The following DNAH9 variants were observed in gnomAD, a reference collection of about 807,000 sequenced individuals.
DNAH9 encodes dynein axonemal heavy chain 9.
A neutral mutation model predicts 471.6 loss-of-function variants in DNAH9; 345 were observed. The observed-to-expected ratio is 0.73, with a 90% CI of 0.67 to 0.80. DNAH9 has a LOEUF of 0.80. DNAH9 is among the 30% of genes least tolerant of loss of function. The pLI, the probability that DNAH9 is intolerant of heterozygous loss-of-function variation, is 0.00. For missense variants in DNAH9, 5,407 were observed against 5,609.2 expected (o/e 0.96, Z 1.15); for synonymous variants, 2,093 against 2,123.6 (o/e 0.99, Z 0.40).
intron 25 of DNAH9, 79 bp from the exon 26 acceptor site, chr17:11,704,946 C>T: frequency 8.3e-7 from 1 of 1,203,850 alleles, no homozygotes; most frequent in African/African-American, 1.5e-5. Flanking sequence ...GCCAAGGCAT[C>T]AGACCCCTAT....
intron 29 of DNAH9, 67 bp downstream of exon 29, chr17:11,739,104 A>C (rs2075395995): frequency 1.4e-6 from 2 of 1,435,894 alleles, no homozygotes; most frequent in African/African-American, 1.4e-5. Flanking sequence ...TCCACTTAAA[A>C]TGTGTGACAT....
At chr17:11,739,143 GA>G in intron 29 of DNAH9, 106 bp downstream of exon 29, 2 of 1,174,232 alleles carry the variant, frequency 1.7e-6, no homozygotes, top group Non-Finnish European at 2.4e-6. Context: ...GGAACATTTG[GA>G]AAAGTAGATT....
At chr17:11,745,701 C>T in intron 31 of DNAH9, among the ~76,000 whole-genome samples, 1 of 152,112 alleles carries the variant, frequency 6.6e-6, no homozygotes, top group Non-Finnish European at 1.5e-5. Flanking sequence ...ATCCATCAAA[C>T]AAGAATTAGA....
At chr17:11,811,537 T>C (rs965747029) in intron 45 of DNAH9, among the ~76,000 whole-genome samples, 2 of 152,110 alleles carry the variant, frequency 1.3e-5, no homozygotes, top group East Asian at 3.9e-4. Context: ...TAGTGGAACC[T>C]GGTGGTCACA....
chr17:11,643,064 A>C (rs2150688891), intron 10 of DNAH9, among the ~76,000 whole-genome samples: 1 of 152,380 alleles, frequency 6.6e-6, no homozygotes. Flanking sequence ...CAGGTCAAAT[A>C]GAAACAAACC....
At chr17:11,709,764 C>T (rs920374232) in intron 26 of DNAH9, among the ~76,000 whole-genome samples, 2 of 152,184 alleles carry the variant, frequency 1.3e-5, no homozygotes, top group East Asian at 1.9e-4. Flanking sequence ...TGGATGATCT[C>T]CTCCTGCTTT....
chr17:11,616,910 G>T (rs1379023696), intron 4 of DNAH9, among the ~76,000 whole-genome samples: 1 of 152,088 alleles, frequency 6.6e-6, no homozygotes, highest in African/African-American at 2.4e-5. Flanking sequence ...CACCTGCATT[G>T]GTCCAAGCAC....
intron 38 of DNAH9, among the ~76,000 whole-genome samples, chr17:11,778,743 G>A (rs1002023936): frequency 1.4e-4 from 21 of 151,962 alleles, no homozygotes; most frequent in Admixed American, 2.0e-4. Flanking sequence ...ACAGTGGCTC[G>A]TGCCTGTAAT....
Position 11,598,504 on chromosome 17 carries a change from G to A in DNAH9, c.6G>A (p.Arg2=), listed in dbSNP as rs943922044. 2 of 1,376,214 alleles carry A rather than the reference G, an allele frequency of 1.5e-6. No individual in the cohort carries two copies. Among genetic ancestry groups the A allele is most frequent in the Non-Finnish European group, 1.9e-6 (2 of 1,075,582 alleles). The allele number at this position is 1,376,214 out of a possible 1,614,324, so 85.3% of individuals were successfully genotyped here. M[R]LAEERAALAA... ...GCAGCTGGAGGCCGCGCGCGATGCG[G>A]CTCGCGGAGGAGCGGGCCGCGCTCG... The change falls in exon 1 of 69, where the codon CGG becomes CGA. Residue 2 remains arginine, a synonymous_variant. Transcript: ENST00000262442.
In DNAH9 at chr17:11,905,519, T is replaced by G. The variant is rs1258356566; in HGVS notation, c.11601-142T>G. The G allele has an allele frequency of 5.9e-6, 5 of 840,990 alleles. No homozygotes were observed. In the East Asian group the frequency reaches 1.3e-4, roughly 22 times the overall value. The allele number at this position is 840,990 out of a possible 1,614,324, so 52.1% of individuals were successfully genotyped here. ...TGTGTTGACTTAATAAGCAGTGGAC[T>G]TGGAGCCAGTCCTAGCTCTATAACT... On this transcript the variant is annotated intron_variant, in intron 60 of 68. Coordinates refer to ENST00000262442, the MANE Select transcript of DNAH9 (RefSeq NM_001372.4).
chr17:11,900,100 GA>G (rs10627147), intron 59 of DNAH9, among the ~76,000 whole-genome samples: 2 of 148,602 alleles, frequency 1.3e-5, no homozygotes, highest in Non-Finnish European at 3.0e-5. Context: ...TTTTCCAAAT[GA>G]AAAAAAAAAC....
At chr17:11,615,080 G>T (rs901202395) in intron 4 of DNAH9, among the ~76,000 whole-genome samples, 2 of 152,120 alleles carry the variant, frequency 1.3e-5, no homozygotes, top group African/African-American at 4.8e-5. Flanking sequence ...TTTAAACCTT[G>T]CACCCCCATT....
intron 27 of DNAH9, among the ~76,000 whole-genome samples, chr17:11,722,266 G>A (rs1332407918): frequency 6.6e-6 from 1 of 151,556 alleles, no homozygotes; most frequent in Non-Finnish European, 1.5e-5. Flanking sequence ...CAGGAGATAA[G>A]GAGGGGAAGG....
Position 11,669,435 on chromosome 17 carries a change from A to G in DNAH9, c.2994A>G (p.Arg998=), listed in dbSNP as rs1393563151. 2.5e-6 allele frequency: 4 copies of G among 1,614,090 alleles called. No homozygotes were observed. The highest frequency in any genetic ancestry group is 1.7e-6 in the Non-Finnish European group (2 of 1,180,012). Residue 998 remains arginine (R), a synonymous_variant, in exon 17 of 69, where the codon AGA becomes AGG. Coordinates refer to ENST00000262442, the MANE Select transcript of DNAH9 (RefSeq NM_001372.4). The part of the protein sequence containing the change: ...MRRTLMERVQ[R]MMGLCCGYQS... ...GCACACTCATGGAGAGAGTCCAGAGAATGATGGGCCTCTGCTGTGGCTATC... is the reference window on the plus strand; with the variant it reads ...GCACACTCATGGAGAGAGTCCAGAGGATGATGGGCCTCTGCTGTGGCTATC...
intron 44 of DNAH9, 92 bp downstream of exon 44, chr17:11,807,986 T>C: frequency 7.3e-7 from 1 of 1,369,380 alleles, no homozygotes; most frequent in Non-Finnish European, 9.9e-7. Context: ...AGTTCCCCTG[T>C]CTGGAGCCTC....
intron 52 of DNAH9, among the ~76,000 whole-genome samples, chr17:11,872,750 C>T (rs1972325904): frequency 6.6e-6 from 1 of 152,160 alleles, no homozygotes; most frequent in South Asian, 2.1e-4. Flanking sequence ...GAAACCACGT[C>T]TCTACTAAAA....
At chr17:11,854,649 G>A (rs1347790578) in intron 50 of DNAH9, among the ~76,000 whole-genome samples, 1 of 152,176 alleles carries the variant, frequency 6.6e-6, no homozygotes, top group Non-Finnish European at 1.5e-5. Context: ...TGGTTTACAA[G>A]CTGTGGTGCG....
chr17:11,946,580 C>T (rs1047578273), intron 67 of DNAH9, among the ~76,000 whole-genome samples: 6 of 145,606 alleles, frequency 4.1e-5, no homozygotes, highest in South Asian at 2.2e-4. Context: ...AGGAGAATGG[C>T]GTGAACCCGG....
chr17:11,743,014 C>T (rs760496217), intron 30 of DNAH9, among the ~76,000 whole-genome samples: 7 of 152,166 alleles, frequency 4.6e-5, no homozygotes, highest in Non-Finnish European at 8.8e-5. Context: ...TCCACTTTTA[C>T]GGCTTTATCC....
Sources: gnomAD v4.1 joint callset for allele counts (sites outside exome capture counted in the v4.1 genomes callset) on GRCh38, gnomAD v4.1.1 for gene constraint, MANE v1.5 for transcripts, NCBI Gene and HGNC (gene_info 2026-07-23, HGNC 2026-07-21) for gene names.